ACTR3C: variants seen among roughly 807,000 people sequenced by gnomAD.
The protein encoded by ACTR3C is actin-related protein 3C.
Under a neutral mutation model 26.3 loss-of-function variants are expected in ACTR3C, and 18 were observed. That is an observed-to-expected ratio of 0.68 (90% CI 0.47 to 1.01). The LOEUF is 1.01. Ranked by LOEUF, ACTR3C falls within the 50% of genes least tolerant of loss-of-function variation. The probability of loss-of-function intolerance (pLI) is 0.00; values close to 1 mark genes in which losing one functional copy is unlikely to be tolerated. For synonymous variants in ACTR3C, 55 were observed against 94.5 expected (o/e 0.58, Z 2.42); for missense variants, 184 against 250.7 (o/e 0.73, Z 1.80).
chr7:149,987,361 T>A, the ACTR3C span, among the ~76,000 whole-genome samples: 1 of 148,394 alleles, frequency 6.7e-6, no homozygotes, highest in African/African-American at 2.5e-5. Flanking sequence ...AGGTCAGGAG[T>A]TCCAGACCAG....
the ACTR3C span, among the ~76,000 whole-genome samples, chr7:149,885,119 T>TG: frequency 6.6e-6 from 1 of 152,168 alleles, no homozygotes; most frequent in East Asian, 1.9e-4. Context: ...CCCCTCTCCC[T>TG]GCTCCTGGCC....
chr7:150,118,244 A>G, the ACTR3C span, among the ~76,000 whole-genome samples: 1 of 152,046 alleles, frequency 6.6e-6, no homozygotes, highest in Admixed American at 6.6e-5. Context: ...AGTTTGACAA[A>G]TTGACAGTAG....
At chr7:150,143,056 T>C in the ACTR3C span, among the ~76,000 whole-genome samples, 1 of 152,100 alleles carries the variant, frequency 6.6e-6, no homozygotes, top group Non-Finnish European at 1.5e-5. Context: ...GGTCTCGAAC[T>C]CCTGTCCTCA....
At chr7:150,037,085 G>GC in the ACTR3C span, among the ~76,000 whole-genome samples, 13 of 88,156 alleles carry the variant, frequency 1.5e-4, no homozygotes, top group Non-Finnish European at 1.9e-4. Flanking sequence ...TCCCCCTCGT[G>GC]CGATGGGGGT....
the ACTR3C span, among the ~76,000 whole-genome samples, chr7:149,889,260 G>A: frequency 6.6e-6 from 1 of 152,122 alleles, no homozygotes; most frequent in African/African-American, 2.4e-5. Flanking sequence ...CAAATTTCAG[G>A]AAGGTCAAAG....
chr7:150,040,025 A>G, the ACTR3C span, among the ~76,000 whole-genome samples: 1 of 130,816 alleles, frequency 7.6e-6, no homozygotes, highest in Admixed American at 7.5e-5. Flanking sequence ...GGCGGGGAAG[A>G]GGGGTTGGCT....
the ACTR3C span, among the ~76,000 whole-genome samples, chr7:149,923,442 A>C: frequency 6.6e-6 from 1 of 152,190 alleles, no homozygotes. Flanking sequence ...GATAAACACA[A>C]GGAGAAGCAA....
the ACTR3C span, among the ~76,000 whole-genome samples, chr7:150,077,840 A>G: frequency 6.6e-6 from 1 of 152,250 alleles, no homozygotes; most frequent in East Asian, 1.9e-4. Flanking sequence ...GATTTCTTTC[A>G]ATTGCCAGGA....
chr7:150,119,856 C>T, the ACTR3C span, among the ~76,000 whole-genome samples: 1 of 152,048 alleles, frequency 6.6e-6, no homozygotes, highest in Admixed American at 6.6e-5. Context: ...TCAGCAAATG[C>T]AAAAGAACGG....
At chr7:150,092,796 T>A in the ACTR3C span, among the ~76,000 whole-genome samples, 1 of 151,146 alleles carries the variant, frequency 6.6e-6, no homozygotes, top group Non-Finnish European at 1.5e-5. Flanking sequence ...ATCTGTAGCA[T>A]GACCACACTC....
At chr7:149,990,701 G>A in the ACTR3C span, among the ~76,000 whole-genome samples, 1 of 149,646 alleles carries the variant, frequency 6.7e-6, no homozygotes, top group African/African-American at 2.5e-5. Context: ...GGAGCCTGGG[G>A]GAACTCAAGA....
chr7:150,171,511 A>T, the ACTR3C span, among the ~76,000 whole-genome samples: 1 of 150,834 alleles, frequency 6.6e-6, no homozygotes, highest in East Asian at 1.9e-4. Context: ...GAAATTTATT[A>T]AATGTCTACA....
intron 6 of ACTR3C, among the ~76,000 whole-genome samples, chr7:150,263,256 A>G (rs1833783563): frequency 6.6e-6 from 1 of 152,072 alleles, no homozygotes; most frequent in Admixed American, 6.5e-5. Flanking sequence ...TCTGGGGCCA[A>G]GATGTTCTGT....
At chr7:149,993,999 A>G in the ACTR3C span, among the ~76,000 whole-genome samples, 1 of 152,242 alleles carries the variant, frequency 6.6e-6, no homozygotes, top group Non-Finnish European at 1.5e-5. Flanking sequence ...GAGGAACAGC[A>G]ATGATTAAAG....
Position 150,247,453 on chromosome 7 carries a change from G to A in ACTR3C, c.*155C>T, listed in dbSNP as rs527492738. The A allele has an allele frequency of 4.8e-5, 7 of 145,450 alleles. No individual in the cohort carries two copies. In the South Asian group the frequency reaches 7.0e-4, roughly 15 times the overall value. 9.0% of individuals were successfully genotyped at this position (145,450 alleles called of 1,614,324 possible). On this transcript the variant is annotated 3_prime_UTR_variant, in exon 8 of 8. Coordinates refer to ENST00000683684, the MANE Select transcript of ACTR3C (RefSeq NM_001164458.2). ...TTTGCCACCAGTTTTGCAGGGAGAGGGCTTTTAGTGTCTTAGCCATAGTGA... is the reference window on the plus strand; with the variant it reads ...TTTGCCACCAGTTTTGCAGGGAGAGAGCTTTTAGTGTCTTAGCCATAGTGA...
intron 1 of ACTR3C, among the ~76,000 whole-genome samples, chr7:150,307,615 A>T (rs1795897516): frequency 6.6e-6 from 1 of 152,066 alleles, no homozygotes; most frequent in African/African-American, 2.4e-5. Flanking sequence ...CCTTTTTCAG[A>T]CTCAGTCCGC....
chr7:150,249,720 G>A (rs563511703), intron 6 of ACTR3C, among the ~76,000 whole-genome samples: 1 of 152,326 alleles, frequency 6.6e-6, no homozygotes, highest in South Asian at 2.1e-4. Flanking sequence ...CTCCCATTGT[G>A]CTGGGATTAC....
At chr7:149,991,245 G>A in the ACTR3C span, among the ~76,000 whole-genome samples, 2 of 152,126 alleles carry the variant, frequency 1.3e-5, no homozygotes, top group African/African-American at 2.4e-5. Context: ...CCCATGAATC[G>A]ATTACCTCCC....
the ACTR3C span, among the ~76,000 whole-genome samples, chr7:150,201,350 G>A: frequency 6.6e-6 from 1 of 152,168 alleles, no homozygotes; most frequent in Non-Finnish European, 1.5e-5. Context: ...AAACTCCAAT[G>A]TGGAATGATG....
Sources: gnomAD v4.1 joint callset for allele counts (sites outside exome capture counted in the v4.1 genomes callset) on GRCh38, gnomAD v4.1.1 for gene constraint, MANE v1.5 for transcripts, NCBI Gene and HGNC (gene_info 2026-07-23, HGNC 2026-07-21) for gene names.